STOX2: variants seen among roughly 807,000 people sequenced by gnomAD.
The protein encoded by STOX2 is storkhead-box protein 2.
Under a neutral mutation model 60.9 loss-of-function variants are expected in STOX2, and 28 were observed. The ratio of observed to expected loss-of-function variants is 0.46; its 90% CI spans 0.34 to 0.63. STOX2 has a LOEUF of 0.63. Among genes scored for constraint, STOX2 ranks in the 30% least tolerant of loss-of-function variants. The pLI is 0.01. For missense variants in STOX2, 1,024 were observed against 1,187.7 expected, an observed-to-expected ratio of 0.86 and a Z score of 2.03; for synonymous variants, 472 against 463.9, an observed-to-expected ratio of 1.02 and a Z score of -0.22.
At chr4:183,914,381 C>T (rs979221899) in intron 1 of STOX2, among the ~76,000 whole-genome samples, 3 of 151,980 alleles carry the variant, frequency 2.0e-5, no homozygotes, top group South Asian at 2.1e-4. Context: ...GAGGCCTCAG[C>T]GAGCCGAGAT....
intron 1 of STOX2, among the ~76,000 whole-genome samples, chr4:183,958,672 TC>T (rs1261004133): frequency 6.6e-6 from 1 of 152,220 alleles, no homozygotes; most frequent in East Asian, 1.9e-4. Context: ...TCTTAGATCT[TC>T]CGTCTGTTGG....
In STOX2 at chr4:184,010,792, G is replaced by T; in HGVS notation, c.1954G>T (p.Gly652Trp). 1 of 1,580,418 alleles carries T rather than the reference G, an allele frequency of 6.3e-7. No homozygotes were observed. Among genetic ancestry groups the T allele is most frequent in the Non-Finnish European group, 8.6e-7 (1 of 1,164,418 alleles). The change falls in exon 3 of 4, where the codon GGG becomes TGG. Residue 652 changes from glycine (G) to tryptophan (W), a missense_variant. By Grantham distance (184) the Gly-to-Trp change is radical (BLOSUM62 -2). Transcript: ENST00000308497. The surrounding 1 kb of genome is among the most constrained non-coding windows in gnomAD (Gnocchi z 4.5). ...QVPHSSREPV[G>W]HKEESPKGPG... Reference sequence around the variant, plus strand: ...CCCCCACTCCTCCAGGGAGCCTGTGGGGCACAAGGAGGAGTCACCAAAAGG... The same window carrying T: ...CCCCCACTCCTCCAGGGAGCCTGTGTGGCACAAGGAGGAGTCACCAAAAGG...
rs116446438 is a variant in STOX2 at position 183,852,627 on chromosome 4, G to C, written c.364+54572G>C. ...CATCAAGGTTAATTCTAGGTTGAAC[G>C]ATCTGACCACACCCTGTACCTCGGA... On this transcript the variant is annotated intron_variant, in intron 1 of 2. Coordinates refer to the STOX2 transcript ENST00000513034. Among the ~76,000 whole-genome samples, 458 of 152,078 alleles carry C rather than the reference G, an allele frequency of 3.0e-3. 2 individuals carry two copies. The highest frequency in any genetic ancestry group is 9.8e-3 in the African/African-American group (407 of 41,398).
At position 184,010,464 on chromosome 4, in the gene STOX2, A is replaced by G. The variant is rs1412828934; in HGVS notation, c.1626A>G (p.Gln542=). The G allele has an allele frequency of 6.2e-6, 10 of 1,613,788 alleles. No homozygotes were observed. The South Asian group carries it at 8.8e-5, about 14-fold the overall frequency. ...GGCCTGCACAGACCGTTAGTCTCCAAAGGGCTCACATTTCGTCCACAAGCT... is the reference window on the plus strand; with the variant it reads ...GGCCTGCACAGACCGTTAGTCTCCAGAGGGCTCACATTTCGTCCACAAGCT... ...TLRPAQTVSL[Q]RAHISSTSYK... Residue 542 remains glutamine, a synonymous_variant, in exon 3 of 4, where the codon CAA becomes CAG. Coordinates refer to ENST00000308497, the MANE Select transcript of STOX2 (RefSeq NM_020225.3). This position sits in a 1 kb window ranked among gnomAD's most constrained non-coding sequence, Gnocchi z 4.5.
chr4:183,957,637 G>T (rs1326769853), intron 1 of STOX2, among the ~76,000 whole-genome samples: 1 of 152,190 alleles, frequency 6.6e-6, no homozygotes, highest in African/African-American at 2.4e-5. Flanking sequence ...TTTGACCACA[G>T]AAATCCTTTC....
intron 1 of STOX2, among the ~76,000 whole-genome samples, chr4:183,915,567 G>A (rs56318123): frequency 0.27 from 40,356 of 152,082 alleles, 6,417 homozygotes; most frequent in Non-Finnish European, 0.36. Flanking sequence ...CCCTTATTTG[G>A]AAATCAGGTC....
At chr4:183,948,472 G>T (rs1364891922) in intron 1 of STOX2, among the ~76,000 whole-genome samples, 1 of 78,104 alleles carries the variant, frequency 1.3e-5, no homozygotes, top group Non-Finnish European at 2.5e-5. Flanking sequence ...CAGGGATCCA[G>T]GTGCTCTTGG....
rs909050800 is a variant in STOX2, at chr4:184,019,330, G to T, written c.*2046G>T. 6.6e-6 allele frequency: 1 copy of T among 152,194 alleles called. No homozygotes were observed. Among genetic ancestry groups the T allele is most frequent in the Non-Finnish European group, 1.5e-5 (1 of 68,036 alleles). 9.4% of individuals were successfully genotyped at this position (152,194 alleles called of 1,614,324 possible). On this transcript the variant is annotated 3_prime_UTR_variant, in exon 4 of 4. Transcript: ENST00000308497. Reference sequence around the variant, plus strand: ...AAATATGTCCAGAAGGAATGATCATGTATCTAATAGACTACATAGTTGGTT... The same window carrying T: ...AAATATGTCCAGAAGGAATGATCATTTATCTAATAGACTACATAGTTGGTT...
chr4:183,875,938 T>A (rs1177826672), intron 1 of STOX2, among the ~76,000 whole-genome samples: 2 of 152,168 alleles, frequency 1.3e-5, no homozygotes, highest in Non-Finnish European at 2.9e-5. Flanking sequence ...CTCAGGTCCA[T>A]CCAGGGAGGA....
rs1357312855 is a variant in STOX2, at chr4:183,821,273, C to T, written c.364+23218C>T. On this transcript the variant is annotated intron_variant, in intron 1 of 2. Coordinates refer to the STOX2 transcript ENST00000513034. This position sits in a 1 kb window ranked among gnomAD's most constrained non-coding sequence, Gnocchi z 4.2. Reference sequence around the variant, plus strand: ...GAGAACCCTCCCTTGGCTGGAGGCCCGTGTGTAACCATATGGTGCTTCACG... The same window carrying T: ...GAGAACCCTCCCTTGGCTGGAGGCCTGTGTGTAACCATATGGTGCTTCACG... Among the ~76,000 whole-genome samples the T allele has an allele frequency of 5.3e-5, 8 of 152,272 alleles. No homozygotes were observed. In the South Asian group the frequency reaches 1.5e-3, roughly 28 times the overall value.
chr4:183,852,449 G>A (rs1740173100), intron 1 of STOX2, among the ~76,000 whole-genome samples: 1 of 36,758 alleles, frequency 2.7e-5, no homozygotes. Context: ...GGGAAAGGTT[G>A]AGAGAAACGA....
At chr4:183,798,788 A>G (rs1458000971) in intron 1 of STOX2, 3 of 985,322 alleles carry the variant, frequency 3.0e-6, no homozygotes, top group South Asian at 4.7e-5. Flanking sequence ...CCGCGTTTCC[A>G]GTGCTGCTTT....
intron 1 of STOX2, among the ~76,000 whole-genome samples, chr4:183,868,814 A>AG (rs1740629438): frequency 1.3e-5 from 2 of 152,234 alleles, no homozygotes; most frequent in Non-Finnish European, 2.9e-5. Context: ...TGAATGTTCT[A>AG]GTTTATTAAA....
intron 1 of STOX2, chr4:183,988,561 G>A (rs1424336169): frequency 6.6e-6 from 1 of 152,268 alleles, no homozygotes; most frequent in Admixed American, 6.5e-5. Context: ...GAGAGTTCTG[G>A]AACTCATTTT....
rs962949539 is a variant in STOX2, at chr4:183,855,697, G to A, written c.364+57642G>A. Among the ~76,000 whole-genome samples the A allele has an allele frequency of 5.3e-5, 8 of 152,166 alleles. No individual in the cohort carries two copies. In the South Asian group the frequency reaches 1.0e-3, roughly 20 times the overall value. On this transcript the variant is annotated intron_variant, in intron 1 of 2. Coordinates refer to the STOX2 transcript ENST00000513034. ...ATCTTAAGGCTTAAGAAAAGAAAGCGCTAAGTAGGCATAGTTGATTTCTCC... is the reference window on the plus strand; with the variant it reads ...ATCTTAAGGCTTAAGAAAAGAAAGCACTAAGTAGGCATAGTTGATTTCTCC...
In STOX2 at chr4:183,852,919, A is replaced by T. The variant is rs577669319; in HGVS notation, c.364+54864A>T. On this transcript the variant is annotated intron_variant, in intron 1 of 2. Coordinates refer to the STOX2 transcript ENST00000513034. ...CTGCTTTTTCAAACATAGATGGCAA[A>T]TGTGAAGAACTTCCCAGAACTGAGG... is the stretch of plus-strand genomic sequence containing the variant. Among the ~76,000 whole-genome samples, 7 of 152,246 alleles carry T rather than the reference A, an allele frequency of 4.6e-5. No homozygotes were observed. In the South Asian group the frequency reaches 1.2e-3, roughly 27 times the overall value.
intron 1 of STOX2, among the ~76,000 whole-genome samples, chr4:183,850,129 A>G (rs1397608456): frequency 6.6e-6 from 1 of 151,754 alleles, no homozygotes; most frequent in African/African-American, 2.4e-5. Context: ...ACAGCTGGCT[A>G]ATTTTTTGTA....
chr4:183,999,872 A>G (rs921757843), intron 1 of STOX2, among the ~76,000 whole-genome samples: 8 of 151,796 alleles, frequency 5.3e-5, no homozygotes, highest in African/African-American at 1.7e-4. Flanking sequence ...GCAGCCAGAC[A>G]CCTTGTCGGG....
intron 1 of STOX2, among the ~76,000 whole-genome samples, chr4:183,876,227 C>T (rs886112848): frequency 3.9e-5 from 6 of 152,318 alleles, no homozygotes; most frequent in South Asian, 2.1e-4. Context: ...CTTCAAGGGG[C>T]GACTCCCAGG....
Sources: gnomAD v4.1 joint callset for allele counts (sites outside exome capture counted in the v4.1 genomes callset) on GRCh38, gnomAD v4.1.1 for gene constraint, Gnocchi (gnomAD v3.1) non-coding constraint, MANE v1.5 for transcripts, NCBI Gene and HGNC (gene_info 2026-07-23, HGNC 2026-07-21) for gene names.